BLTP3A: variants seen among roughly 807,000 people sequenced by gnomAD.
BLTP3A encodes bridge-like lipid transfer protein family member 3A, also known as ICBP90 binding protein 1.
chr6:34,822,196 G>T, the BLTP3A span, among the ~76,000 whole-genome samples: 1 of 151,770 alleles, frequency 6.6e-6, no homozygotes, highest in Non-Finnish European at 1.5e-5. Flanking sequence ...CTCGGTTTTA[G>T]TGTAACAATT....
the BLTP3A span, chr6:34,857,032 T>C: frequency 7.1e-7 from 1 of 1,403,906 alleles, no homozygotes; most frequent in South Asian, 1.4e-5. Context: ...ACTATTTACC[T>C]CACTTCTGGG....
chr6:34,798,579 TA>T, the BLTP3A span, among the ~76,000 whole-genome samples: 2 of 149,762 alleles, frequency 1.3e-5, no homozygotes, highest in African/African-American at 2.5e-5. Context: ...AATGTATTTT[TA>T]ATTTTCTTTC....
chr6:34,812,487 T>A, the BLTP3A span, among the ~76,000 whole-genome samples: 13 of 152,320 alleles, frequency 8.5e-5, no homozygotes, highest in Non-Finnish European at 1.5e-4. Context: ...GTTTTCTTTT[T>A]AGAGATAAGG....
the BLTP3A span, among the ~76,000 whole-genome samples, chr6:34,840,889 GGCGTGA>G: frequency 2.0e-5 from 3 of 152,108 alleles, no homozygotes; most frequent in African/African-American, 7.2e-5. Context: ...TGGGATTATA[GGCGTGA>G]GCCACCACGC....
the BLTP3A span, among the ~76,000 whole-genome samples, chr6:34,842,033 A>G: frequency 3.3e-5 from 5 of 152,196 alleles, no homozygotes; most frequent in Non-Finnish European, 7.3e-5. Flanking sequence ...TATCTCATAT[A>G]TGATTATGTG....
At chr6:34,797,938 A>G in the BLTP3A span, among the ~76,000 whole-genome samples, 1 of 151,956 alleles carries the variant, frequency 6.6e-6, no homozygotes, top group African/African-American at 2.4e-5. Context: ...CTCTTCAACC[A>G]CTCTGCTGCT....
the BLTP3A span, among the ~76,000 whole-genome samples, chr6:34,797,193 C>A: frequency 6.6e-6 from 1 of 152,036 alleles, no homozygotes; most frequent in Non-Finnish European, 1.5e-5. Context: ...TGACAGAAAC[C>A]CGGCTAGCTC....
At chr6:34,831,222 G>A in the BLTP3A span, among the ~76,000 whole-genome samples, 3 of 151,870 alleles carry the variant, frequency 2.0e-5, no homozygotes, top group East Asian at 1.9e-4. Context: ...CCACCTCCTG[G>A]GTTCAAGTGA....
the BLTP3A span, among the ~76,000 whole-genome samples, chr6:34,840,997 C>CTTTTG: frequency 6.6e-6 from 1 of 151,956 alleles, no homozygotes; most frequent in South Asian, 2.1e-4. Context: ...GTCGTTGTTG[C>CTTTTG]TTTTGTTTTG....
At chr6:34,874,899 A>G in the BLTP3A span, 1 of 152,262 alleles carries the variant, frequency 6.6e-6, no homozygotes, top group South Asian at 2.1e-4. Flanking sequence ...AGAACAGCCA[A>G]AATTATCAGG....
the BLTP3A span, among the ~76,000 whole-genome samples, chr6:34,822,938 T>C: frequency 6.6e-6 from 1 of 152,154 alleles, no homozygotes; most frequent in African/African-American, 2.4e-5. Flanking sequence ...TGTGTATCTT[T>C]ATCCCAAAAA....
chr6:34,867,377 C>T, the BLTP3A span: 381 of 1,613,828 alleles, frequency 2.4e-4, no homozygotes, highest in Admixed American at 3.8e-4. Flanking sequence ...CATCTTTCAC[C>T]CGGTCAGCAG....
the BLTP3A span, chr6:34,875,236 CTG>C: frequency 5.9e-5 from 9 of 152,578 alleles, no homozygotes; most frequent in African/African-American, 2.2e-4. Context: ...GAGAGGGTAA[CTG>C]TGTCCCTCAA....
the BLTP3A span, chr6:34,836,329 T>C: frequency 3.1e-6 from 5 of 1,613,952 alleles, no homozygotes; most frequent in South Asian, 2.2e-5. Flanking sequence ...TTTGTGATGA[T>C]AGCCAGTCCC....
the BLTP3A span, chr6:34,863,850 C>T: frequency 5.8e-6 from 4 of 684,124 alleles, no homozygotes; most frequent in South Asian, 2.7e-5. Flanking sequence ...GATCTCTTTA[C>T]AGCCAGTAAT....
chr6:34,798,077 T>C, the BLTP3A span, among the ~76,000 whole-genome samples: 4 of 152,204 alleles, frequency 2.6e-5, no homozygotes, highest in African/African-American at 9.6e-5. Flanking sequence ...CCAGTCATTA[T>C]CTCCACCAAA....
the BLTP3A span, among the ~76,000 whole-genome samples, chr6:34,822,215 C>G: frequency 6.6e-6 from 1 of 151,480 alleles, no homozygotes; most frequent in African/African-American, 2.4e-5. Flanking sequence ...TTATGGCTGC[C>G]TAGGCTCTAC....
At chr6:34,830,488 T>G in the BLTP3A span, among the ~76,000 whole-genome samples, 66,465 of 151,544 alleles carry the variant, frequency 0.44, 16,346 homozygotes, top group African/African-American at 0.67. Flanking sequence ...TATTCCAGAG[T>G]CTGAGGCAGG....
At chr6:34,801,302 C>T in the BLTP3A span, among the ~76,000 whole-genome samples, 3 of 152,040 alleles carry the variant, frequency 2.0e-5, no homozygotes, top group African/African-American at 4.8e-5. Context: ...GAAATAGTGA[C>T]GTAATGTTGA....
Sources: gnomAD v4.1 joint callset for allele counts (sites outside exome capture counted in the v4.1 genomes callset) on GRCh38, gnomAD v4.1.1 for gene constraint, MANE v1.5 for transcripts, NCBI Gene and HGNC (gene_info 2026-07-23, HGNC 2026-07-21) for gene names.